Variants in FAM107B observed in about 807,000 individuals in gnomAD.
The protein encoded by FAM107B is family with sequence similarity 107 member B.
FAM107B carries 21 observed loss-of-function variants against 31.5 expected under a neutral mutation model. That is an observed-to-expected ratio of 0.67 (90% CI 0.47 to 0.96). The LOEUF (loss-of-function observed/expected upper bound fraction) is 0.96. FAM107B is among the 40% of genes least tolerant of loss of function. The probability of loss-of-function intolerance (pLI) is 0.00; values close to 1 mark genes in which losing one functional copy is unlikely to be tolerated. For synonymous variants in FAM107B, 157 were observed against 141.5 expected, an observed-to-expected ratio of 1.11 and a Z score of -0.78; for missense variants, 452 against 377.1, an observed-to-expected ratio of 1.20 and a Z score of -1.64.
At chr10:14,523,487 G>A (rs182316723) in intron 3 of FAM107B, among the ~76,000 whole-genome samples, 7 of 152,276 alleles carry the variant, frequency 4.6e-5, no homozygotes, top group South Asian at 2.1e-4. Context: ...ACTCTGTCCC[G>A]GACTCCAGGA....
chr10:14,637,071 T>G (rs1191809030), intron 2 of FAM107B, among the ~76,000 whole-genome samples: 3 of 152,278 alleles, frequency 2.0e-5, no homozygotes, highest in Admixed American at 2.0e-4. Context: ...TGATCATGAA[T>G]TCTCAGGGGA....
At chr10:14,588,497 T>C (rs1011194585) in intron 2 of FAM107B, among the ~76,000 whole-genome samples, 1 of 152,086 alleles carries the variant, frequency 6.6e-6, no homozygotes, top group Admixed American at 6.5e-5. Flanking sequence ...GGTCTACCCA[T>C]TCTCCCCTCT....
At chr10:14,644,034 A>T (rs1181745753) in intron 2 of FAM107B, among the ~76,000 whole-genome samples, 1 of 152,232 alleles carries the variant, frequency 6.6e-6, no homozygotes, top group African/African-American at 2.4e-5. Context: ...TAATGATACC[A>T]GTAATGAGAA....
intron 1 of FAM107B, among the ~76,000 whole-genome samples, chr10:14,758,448 A>G (rs928693188): frequency 1.3e-5 from 2 of 152,184 alleles, no homozygotes; most frequent in African/African-American, 4.8e-5. Context: ...TACTAGAGGG[A>G]GGTTTTTAAA....
At position 14,774,294 on chromosome 10, in the gene FAM107B, G is replaced by A. The variant is rs1339748592; in HGVS notation, c.370C>T (p.His124Tyr). 6.2e-7 allele frequency: 1 copy of A among 1,613,862 alleles called. No homozygotes were observed. The highest frequency in any genetic ancestry group is 8.5e-7 in the Non-Finnish European group (1 of 1,179,878). The change falls in exon 1 of 5, where the codon CAC becomes TAC. Residue 124 changes from histidine to tyrosine, a missense_variant. Transcript: ENST00000181796. The part of the protein sequence containing the change: ...DGADCEAVVF[H>Y]ASIPRPSIID... ...ATTGATGGTCTGGGGATGGAAGCGT[G>A]AAACACCACTGCTTCACAGTCCGCC...
intron 1 of FAM107B, among the ~76,000 whole-genome samples, chr10:14,697,277 A>AC (rs1412737838): frequency 1.3e-5 from 2 of 151,962 alleles, no homozygotes; most frequent in African/African-American, 4.8e-5. Flanking sequence ...CTCTCCTGAG[A>AC]CCCCCCAACC....
chr10:14,628,778 AT>A (rs1288259068), intron 2 of FAM107B, among the ~76,000 whole-genome samples: 2 of 152,106 alleles, frequency 1.3e-5, no homozygotes, highest in Non-Finnish European at 2.9e-5. Context: ...TACACCTGTA[AT>A]CCCAGCACTT....
chr10:14,729,432 G>T (rs1464204837), intron 1 of FAM107B, among the ~76,000 whole-genome samples: 4 of 152,164 alleles, frequency 2.6e-5, no homozygotes, highest in Non-Finnish European at 4.4e-5. Flanking sequence ...CCTGGTCCTG[G>T]GCAGTGGGAA....
intron 1 of FAM107B, among the ~76,000 whole-genome samples, chr10:14,715,706 A>G (rs11815796): frequency 0.13 from 19,528 of 152,232 alleles, 1,600 homozygotes; most frequent in African/African-American, 0.23. Flanking sequence ...TTCTTGAGCT[A>G]GGACATCCAT....
At chr10:14,723,064 A>C (rs899913026) in intron 1 of FAM107B, 3 of 361,002 alleles carry the variant, frequency 8.3e-6, no homozygotes, top group South Asian at 6.6e-5. Flanking sequence ...TTTGTGTCTT[A>C]TATTTAGGTC....
At chr10:14,728,589 G>C (rs1394688805) in intron 1 of FAM107B, among the ~76,000 whole-genome samples, 1 of 152,154 alleles carries the variant, frequency 6.6e-6, no homozygotes. Flanking sequence ...CCTTAGAGAT[G>C]AGAATATTGG....
intron 2 of FAM107B, among the ~76,000 whole-genome samples, chr10:14,561,845 C>A (rs1588592377): frequency 6.6e-6 from 1 of 152,202 alleles, no homozygotes; most frequent in Non-Finnish European, 1.5e-5. Context: ...AGTGCAGTGG[C>A]ATGACCTTGG....
At chr10:14,537,910 G>A (rs964022367) in intron 2 of FAM107B, among the ~76,000 whole-genome samples, 1 of 151,666 alleles carries the variant, frequency 6.6e-6, no homozygotes, top group Non-Finnish European at 1.5e-5. Context: ...GACATCACCT[G>A]CTATTAGCGC....
chr10:14,522,814 G>C (rs966031002), intron 3 of FAM107B, among the ~76,000 whole-genome samples: 3 of 152,110 alleles, frequency 2.0e-5, no homozygotes, highest in Non-Finnish European at 4.4e-5. Flanking sequence ...AGACTGAAAG[G>C]GGGTTCCTGT....
At position 14,752,364 on chromosome 10, in the gene FAM107B, G is replaced by T. The variant is rs1832846378; in HGVS notation, c.411+21889C>A. Among the ~76,000 whole-genome samples, 3 of 152,224 alleles carry T rather than the reference G, an allele frequency of 2.0e-5. No individual in the cohort carries two copies. In the South Asian group the frequency reaches 6.2e-4, roughly 32 times the overall value. ...TGCCTGGAAGGCATCCAGCTTTGCA[G>T]TTTCTCGATCCTGTACCCTGAGAGG... On this transcript the variant is annotated intron_variant, in intron 1 of 4. Coordinates refer to ENST00000181796, the MANE Select transcript of FAM107B (RefSeq NM_031453.4).
intron 1 of FAM107B, among the ~76,000 whole-genome samples, chr10:14,736,508 T>C (rs570264407): frequency 1.3e-5 from 2 of 152,306 alleles, no homozygotes; most frequent in African/African-American, 4.8e-5. Context: ...CTTCAGCCTA[T>C]TGCACTAAAG....
intron 4 of FAM107B, 62 bp downstream of exon 4, chr10:14,521,807 A>C: frequency 2.5e-6 from 4 of 1,585,376 alleles, no homozygotes; most frequent in Non-Finnish European, 3.4e-6. Flanking sequence ...TGCCCGCTCC[A>C]ACACTCCAAC....
At chr10:14,572,269 G>A in intron 2 of FAM107B, 2 of 985,444 alleles carry the variant, frequency 2.0e-6, no homozygotes, top group Non-Finnish European at 2.4e-6. Flanking sequence ...CTGGTGAAAT[G>A]TACTTGTCTG....
chr10:14,740,562 T>C (rs1564282510), intron 1 of FAM107B, among the ~76,000 whole-genome samples: 1 of 152,204 alleles, frequency 6.6e-6, no homozygotes, highest in Non-Finnish European at 1.5e-5. Context: ...CCCATATAAC[T>C]ATACAACACA....
Sources: gnomAD v4.1 joint callset for allele counts (sites outside exome capture counted in the v4.1 genomes callset) on GRCh38, gnomAD v4.1.1 for gene constraint, MANE v1.5 for transcripts, NCBI Gene and HGNC (gene_info 2026-07-23, HGNC 2026-07-21) for gene names.